Variants in ZNF846 observed in about 807,000 individuals in gnomAD.
ZNF846 encodes zinc finger protein 420 pseudogene.
In ZNF846, 15 loss-of-function variants were observed where a neutral mutation model predicts 16.0. That is an observed-to-expected ratio of 0.94 (90% CI 0.63 to 1.45). The LOEUF (loss-of-function observed/expected upper bound fraction) is 1.45, where lower values mean the gene tolerates loss of function less well. Among genes scored for constraint, ZNF846 ranks in the 40% most tolerant of loss-of-function variants. ZNF846 has a pLI of 0.00. For synonymous variants in ZNF846, 229 were observed against 212.0 expected (o/e 1.08, Z -0.70); for missense variants, 714 against 622.3 (o/e 1.15, Z -1.57).
Position 9,764,934 on chromosome 19 carries a change from G to C in ZNF846, c.15+2C>G, listed in dbSNP as rs767964530. 2.5e-6 allele frequency: 4 copies of C among 1,614,132 alleles called. No homozygotes were observed. In the South Asian group the frequency reaches 3.3e-5, roughly 13 times the overall value. On this transcript the variant is annotated splice_donor_variant, in intron 2 of 5. Transcript: ENST00000397902. LOFTEE classifies it high-confidence loss of function. ...TTGAAGTTAGGTCTGCTTTCCACTT[G>C]CCTGAGAAGAATCCATCAGTAATCC...
rs139817982 is a variant in ZNF846 at position 9,758,198 on chromosome 19, A to G, written c.879T>C (p.His293=). The change falls in exon 6 of 6, where the codon CAT becomes CAC. Residue 293 remains histidine (H), a synonymous_variant. Coordinates refer to ENST00000397902, the Ensembl canonical transcript of ZNF846. ...TTGTATGATCAGTAAGGTATGAAGA[A>G]TGGGTGAAGGCTTTCCCACACTCTT... The G allele has an allele frequency of 7.4e-4, 1,201 of 1,613,202 alleles. 12 individuals are homozygous for G. The East Asian group carries it at 0.023, about 31-fold the overall frequency.
exon 6 of ZNF846, chr19:9,758,651 A>C (rs1235239844): frequency 6.8e-6 from 11 of 1,613,158 alleles, no homozygotes; most frequent in Non-Finnish European, 7.6e-6. Flanking sequence ...GATTATCCTC[A>C]GAAGTTTTCT....
At chr19:9,763,078 G>A (rs530620657) in intron 3 of ZNF846, among the ~76,000 whole-genome samples, 2 of 151,934 alleles carry the variant, frequency 1.3e-5, no homozygotes, top group Admixed American at 6.6e-5. Flanking sequence ...CAGGAGGGGG[G>A]GCTTTGCAGT....
rs747786034 is a variant in ZNF846, at chr19:9,758,153, C to T, written c.924G>A (p.Lys308=). The stretch of plus-strand genomic sequence containing the variant: ...TTCCACATTCCATACATACATAGGG[C>T]TTCTTTCCACTGTGGATTCTTGTAT... Residue 308 remains lysine, a synonymous_variant, in exon 6 of 6, where the codon AAG becomes AAA. Transcript: ENST00000397902. 3.1e-6 allele frequency: 5 copies of T among 1,613,252 alleles called. No individual in the cohort carries two copies. In the African/African-American group the frequency reaches 6.7e-5, roughly 22 times the overall value.
At chr19:9,755,519 G>C (rs1408892561), downstream of ZNF846, 1 of 151,430 alleles carries the variant, frequency 6.6e-6, no homozygotes, top group Non-Finnish European at 1.5e-5. Context: ...AGTATTACCA[G>C]GCCGGGCGCG....
downstream of ZNF846, among the ~76,000 whole-genome samples, chr19:9,750,536 C>A (rs2045075506): frequency 6.6e-6 from 1 of 152,122 alleles, no homozygotes; most frequent in African/African-American, 2.4e-5. Flanking sequence ...TTCTGTGGTT[C>A]TTCCACGTAC....
chr19:9,757,840 C>A (rs2045156972), exon 6 of ZNF846: 2 of 1,612,712 alleles, frequency 1.2e-6, no homozygotes, highest in Non-Finnish European at 1.7e-6. Context: ...TGAATCCTTA[C>A]ATGTTGACTA....
chr19:9,765,000 T>C, exon 2 of ZNF846: 1 of 1,607,766 alleles, frequency 6.2e-7, no homozygotes, highest in Non-Finnish European at 8.5e-7. Flanking sequence ...TCGATGTTCC[T>C]GTCATGAAGA....
At chr19:9,766,825 G>A (rs1477991693) in intron 1 of ZNF846, among the ~76,000 whole-genome samples, 2 of 151,468 alleles carry the variant, frequency 1.3e-5, no homozygotes, top group African/African-American at 4.9e-5. Flanking sequence ...ACTTGAACCC[G>A]GGAGGTGGAG....
intron 1 of ZNF846, among the ~76,000 whole-genome samples, chr19:9,777,136 AACACACACACACGCACACACACACAC>A (rs1312418216): frequency 6.7e-6 from 1 of 149,448 alleles, no homozygotes; most frequent in Non-Finnish European, 1.5e-5. Flanking sequence ...AACGAAAGAA[AACACACACACACGCACACACACACAC>A]ACACACACAC....
upstream of ZNF846, among the ~76,000 whole-genome samples, chr19:9,768,910 G>T (rs180712512): frequency 6.2e-3 from 937 of 152,206 alleles, 3 homozygotes; most frequent in African/African-American, 0.021. Flanking sequence ...GGTGGACCAG[G>T]ATCCAGATCA....
In ZNF846 at chr19:9,758,455, G is replaced by C. The variant is rs1328677715; in HGVS notation, c.622C>G (p.Leu208Val). ...TGTAACTTAAGGGATGACTGATTAAGAAAAGTTCTCCAACAGTCTTTGCAT... is the reference window on the plus strand; with the variant it reads ...TGTAACTTAAGGGATGACTGATTAACAAAAGTTCTCCAACAGTCTTTGCAT... The change falls in exon 6 of 6, where the codon CTT (leucine) becomes GTT (valine). Residue 208 changes from leucine to valine, a missense_variant. Coordinates refer to ENST00000397902, the Ensembl canonical transcript of ZNF846. 3 of 1,613,350 alleles carry C rather than the reference G, an allele frequency of 1.9e-6. No individual in the cohort carries two copies. In the South Asian group the frequency reaches 3.3e-5, roughly 18 times the overall value.
At chr19:9,784,156 G>C (rs1199913717) in intron 1 of ZNF846, among the ~76,000 whole-genome samples, 1 of 149,984 alleles carries the variant, frequency 6.7e-6, no homozygotes. Context: ...AAAGTATAGA[G>C]GAAGAAAAGT....
At chr19:9,759,805 T>G in intron 5 of ZNF846, 55 bp downstream of exon 5, 3 of 1,359,060 alleles carry the variant, frequency 2.2e-6, no homozygotes, top group Non-Finnish European at 3.1e-6. Flanking sequence ...ATAATTTTCA[T>G]GAATATTGTG....
At chr19:9,758,823 T>C in intron 5 of ZNF846, 59 bp from the exon 6 acceptor site, 1 of 1,314,820 alleles carries the variant, frequency 7.6e-7, no homozygotes, top group Non-Finnish European at 1.0e-6. Flanking sequence ...TAACAGAATT[T>C]CTCCCCAATC....
chr19:9,770,578 A>G (rs1403221954), upstream of ZNF846, among the ~76,000 whole-genome samples: 1 of 151,884 alleles, frequency 6.6e-6, no homozygotes, highest in Non-Finnish European at 1.5e-5. Flanking sequence ...GTCAATAAAA[A>G]TAAGAATAGC....
In ZNF846 at chr19:9,781,842, G is replaced by A. The variant is rs7249183; in HGVS notation, c.-86+4096C>T. ...TGCCCAGGCTGGAGTGCAATGGTGC[G>A]ATCTTGACTCACTACAACCTCCGCC... On this transcript the variant is annotated intron_variant, in intron 1 of 4. Coordinates refer to the ZNF846 transcript ENST00000586814. Among the ~76,000 whole-genome samples the A allele has an allele frequency of 6.9e-3, 1,037 of 149,520 alleles. 20 individuals carry two copies. Among genetic ancestry groups the A allele is most frequent in the African/African-American group, 0.024 (978 of 40,428 alleles).
At chr19:9,757,677 A>G (rs769683609) in exon 6 of ZNF846, 7 of 1,613,324 alleles carry the variant, frequency 4.3e-6, no homozygotes, top group Non-Finnish European at 5.9e-6. Flanking sequence ...TCGCATGTGC[A>G]TATTAAGATT....
At chr19:9,755,025 C>A (rs910251476), downstream of ZNF846, among the ~76,000 whole-genome samples, 4 of 151,314 alleles carry the variant, frequency 2.6e-5, no homozygotes, top group Non-Finnish European at 5.9e-5. Context: ...ACCACCACAC[C>A]CAGCTAATTT....
Sources: allele counts gnomAD v4.1 joint callset (sites outside exome capture counted in the v4.1 genomes callset), GRCh38; gene constraint gnomAD v4.1.1; transcripts MANE v1.5; gene names NCBI Gene and HGNC (gene_info 2026-07-23, HGNC 2026-07-21).